Variants in AFF2 observed in about 807,000 individuals in gnomAD.
The protein encoded by AFF2 is ALF transcription elongation factor 2.
A neutral mutation model predicts 76.9 loss-of-function variants in AFF2; 14 were observed. The observed-to-expected ratio is 0.18, with a 90% CI of 0.12 to 0.28. AFF2 has a LOEUF of 0.28. Ranked by LOEUF, AFF2 falls within the 10% of genes least tolerant of loss-of-function variation. AFF2 has a pLI of 1.00. For synonymous variants in AFF2, 398 were observed against 366.7 expected (o/e 1.09, Z -0.98); for missense variants, 868 against 1,001.1 (o/e 0.87, Z 1.79).
At chrX:148,946,089 A>T (rs919062119) in intron 9 of AFF2, among the ~76,000 whole-genome samples, 1 of 112,380 alleles carries the variant, frequency 8.9e-6, no homozygotes, top group Admixed American at 9.4e-5. Flanking sequence ...CATCTCAGAA[A>T]GGAAGTAGGG....
At chrX:148,588,046 G>T (rs1557246111) in intron 1 of AFF2, among the ~76,000 whole-genome samples, 1 of 112,063 alleles carries the variant, frequency 8.9e-6, no homozygotes, top group African/African-American at 3.2e-5. Flanking sequence ...ATTAGTCTTG[G>T]TCCCTTCAAT....
At chrX:148,557,516 C>T (rs1368239232) in intron 1 of AFF2, among the ~76,000 whole-genome samples, 4 of 111,567 alleles carry the variant, frequency 3.6e-5, no homozygotes, top group African/African-American at 9.8e-5. Context: ...GGTGGAAGAA[C>T]GTGGTTCCTA....
At chrX:148,810,044 C>A in intron 4 of AFF2, 124 bp downstream of exon 4, 1 of 627,909 alleles carries the variant, frequency 1.6e-6, no homozygotes, top group Non-Finnish European at 2.5e-6. Context: ...TATTCTACTT[C>A]AAGACCCTTC....
In AFF2 at chrX:148,651,990, T is replaced by C. The variant is rs41312622; in HGVS notation, c.48-9T>C. On this transcript the variant is annotated splice_polypyrimidine_tract_variant and intron_variant, in intron 1 of 20. Transcript: ENST00000370460. ...TTTTTCTCTTTTTGTCTTTTCCTTT[T>C]CATATCAGTCACTATGAACAAGACC... 24 of 1,159,090 alleles carry C rather than the reference T, an allele frequency of 2.1e-5. No individual in the cohort carries two copies. The highest frequency in any genetic ancestry group is 2.7e-5 in the Admixed American group (1 of 37,023).
intron 5 of AFF2, among the ~76,000 whole-genome samples, chrX:148,841,384 T>G (rs2070597762): frequency 1.8e-5 from 2 of 112,164 alleles, no homozygotes; most frequent in African/African-American, 6.5e-5. Flanking sequence ...TGAAGGTTAT[T>G]ATTCTATAGG....
chrX:148,935,056 A>AT (rs1557284865), intron 9 of AFF2, among the ~76,000 whole-genome samples: 1 of 13,799 alleles, frequency 7.2e-5, no homozygotes, highest in African/African-American at 7.9e-5. Context: ...CGAAAAGCCT[A>AT]ATTTTTTTTT....
At chrX:148,878,713 T>G (rs1401375976) in intron 7 of AFF2, among the ~76,000 whole-genome samples, 2 of 112,048 alleles carry the variant, frequency 1.8e-5, no homozygotes, top group Non-Finnish European at 3.8e-5. Context: ...TATCCCCGCA[T>G]TTGTTTTCAG....
At chrX:148,714,903 C>T (rs2055010222) in intron 3 of AFF2, among the ~76,000 whole-genome samples, 1 of 111,453 alleles carries the variant, frequency 9.0e-6, no homozygotes, top group Admixed American at 9.5e-5. Context: ...GGGTCTAGGC[C>T]AAGTAGGTCA....
At chrX:148,554,444 T>G (rs548861356) in intron 1 of AFF2, among the ~76,000 whole-genome samples, 1 of 111,684 alleles carries the variant, frequency 9.0e-6, no homozygotes, top group African/African-American at 3.3e-5. Flanking sequence ...TAAATCAAGT[T>G]TACCTGTGCC....
At chrX:148,765,671 A>G (rs1205551215) in intron 3 of AFF2, among the ~76,000 whole-genome samples, 1 of 100,026 alleles carries the variant, frequency 1.0e-5, no homozygotes, top group Non-Finnish European at 2.0e-5. Flanking sequence ...CCTTCCTAAG[A>G]AAGTCTTTAT....
At chrX:148,608,168 G>T (rs2053690852) in intron 1 of AFF2, among the ~76,000 whole-genome samples, 1 of 111,461 alleles carries the variant, frequency 9.0e-6, no homozygotes, top group South Asian at 3.7e-4. Flanking sequence ...GTCTGGTATT[G>T]GATTATATAG....
At chrX:148,928,161 C>T (rs1308780481) in intron 9 of AFF2, among the ~76,000 whole-genome samples, 2 of 111,910 alleles carry the variant, frequency 1.8e-5, no homozygotes, top group Admixed American at 1.9e-4. Flanking sequence ...GAAAAAGAAG[C>T]TGCAATGGAA....
At chrX:148,617,722 C>A (rs782552283) in intron 1 of AFF2, among the ~76,000 whole-genome samples, 1 of 112,504 alleles carries the variant, frequency 8.9e-6, no homozygotes, top group Non-Finnish European at 1.9e-5. Flanking sequence ...CTTGTAAAAT[C>A]TTTCTTGTGT....
intron 9 of AFF2, among the ~76,000 whole-genome samples, chrX:148,918,538 G>T (rs2071557242): frequency 9.0e-6 from 1 of 111,720 alleles, no homozygotes; most frequent in Admixed American, 9.5e-5. Flanking sequence ...ATTATAAAAA[G>T]AATCCATAGT....
At chrX:148,911,120 T>C (rs909493414) in intron 9 of AFF2, among the ~76,000 whole-genome samples, 2 of 110,461 alleles carry the variant, frequency 1.8e-5, no homozygotes, top group African/African-American at 3.3e-5. Flanking sequence ...TGTGTGTTTA[T>C]GTGTGTATAA....
At chrX:148,559,636 A>G (rs1432334687) in intron 1 of AFF2, among the ~76,000 whole-genome samples, 2 of 111,633 alleles carry the variant, frequency 1.8e-5, no homozygotes, top group African/African-American at 6.5e-5. Context: ...ATAGTATTCC[A>G]TGATGTATAT....
intron 3 of AFF2, among the ~76,000 whole-genome samples, chrX:148,706,107 T>C (rs967828429): frequency 6.0e-4 from 67 of 112,247 alleles, no homozygotes; most frequent in African/African-American, 2.1e-3. Context: ...TTCTAGCTTC[T>C]GATATCACTC....
intron 3 of AFF2, among the ~76,000 whole-genome samples, chrX:148,740,501 T>G (rs1329707916): frequency 1.8e-5 from 2 of 111,891 alleles, no homozygotes; most frequent in Non-Finnish European, 3.8e-5. Flanking sequence ...TCCTGAATTT[T>G]TTATTGTTTT....
intron 3 of AFF2, among the ~76,000 whole-genome samples, chrX:148,671,307 T>C (rs146979537): frequency 0.014 from 1,586 of 112,262 alleles, 31 homozygotes; most frequent in African/African-American, 0.046. Context: ...ACAGCACTAT[T>C]TGATAATTTT....
Sources: allele counts gnomAD v4.1 joint callset (sites outside exome capture counted in the v4.1 genomes callset), GRCh38; gene constraint gnomAD v4.1.1; transcripts MANE v1.5; gene names NCBI Gene and HGNC (gene_info 2026-07-23, HGNC 2026-07-21).